Variants in LIN28B observed in about 807,000 individuals in gnomAD.
LIN28B encodes lin-28 RNA binding posttranscriptional regulator B.
Under a neutral mutation model 21.9 loss-of-function variants are expected in LIN28B, and 5 were observed. The ratio of observed to expected loss-of-function variants is 0.23; its 90% confidence interval spans 0.12 to 0.48. LIN28B has a LOEUF of 0.48. LIN28B is among the 20% of genes least tolerant of loss of function. LIN28B has a pLI of 0.98. For synonymous variants in LIN28B, 109 were observed against 111.3 expected (o/e 0.98, Z 0.13); for missense variants, 245 against 310.5 (o/e 0.79, Z 1.58).
intron 2 of LIN28B, among the ~76,000 whole-genome samples, chr6:105,000,256 A>T (rs955348710): frequency 1.2e-4 from 18 of 152,242 alleles, no homozygotes; most frequent in African/African-American, 4.3e-4. Context: ...AAAAACAGTT[A>T]TATCTCCATC....
chr6:105,023,298 T>TATATATAATTATATTATATA (rs1771179727), intron 2 of LIN28B, among the ~76,000 whole-genome samples: 1 of 13,030 alleles, frequency 7.7e-5, no homozygotes, highest in Non-Finnish European at 1.4e-4. Flanking sequence ...AATATATATA[T>TATATATAATTATATTATATA]TTATATATAA....
At chr6:105,024,608 A>G (rs932869704) in intron 2 of LIN28B, among the ~76,000 whole-genome samples, 1 of 152,208 alleles carries the variant, frequency 6.6e-6, no homozygotes, top group African/African-American at 2.4e-5. Context: ...ACATTTCATC[A>G]GAGAGCAGAA....
At chr6:104,973,519 C>T (rs1225793083) in intron 2 of LIN28B, among the ~76,000 whole-genome samples, 1 of 152,154 alleles carries the variant, frequency 6.6e-6, no homozygotes, top group Non-Finnish European at 1.5e-5. Context: ...TCCTTCTCCT[C>T]TCTTTTTTCC....
intron 2 of LIN28B, among the ~76,000 whole-genome samples, chr6:104,982,944 G>A (rs1207127273): frequency 1.3e-5 from 2 of 152,146 alleles, no homozygotes; most frequent in South Asian, 2.1e-4. Context: ...GACTACAGGT[G>A]TACACTACCA....
At position 105,079,654 on chromosome 6, in the gene LIN28B, GAGGGTTGTA is replaced by G. The variant is rs1468780084; in HGVS notation, c.*876_*884del. 1.3e-5 allele frequency: 2 copies of G among 152,572 alleles called. No homozygotes were observed. The highest frequency in any genetic ancestry group is 6.5e-5 in the Admixed American group (1 of 15,276). 9.5% of individuals were successfully genotyped at this position (152,572 alleles called of 1,614,324 possible). ...CTTCTTGTAACCTTTTCCATGTTGT[GAGGGTTGTA>G]AGGGATTGTGTGGCAACAGCAGCTT... On this transcript the variant is annotated 3_prime_UTR_variant, in exon 4 of 4. Transcript: ENST00000345080.
chr6:105,030,014 G>A (rs1313371713), intron 3 of LIN28B, among the ~76,000 whole-genome samples: 1 of 152,164 alleles, frequency 6.6e-6, no homozygotes, highest in Non-Finnish European at 1.5e-5. Flanking sequence ...GTGAATAACT[G>A]TTCCAACTCC....
intron 3 of LIN28B, among the ~76,000 whole-genome samples, chr6:105,043,162 C>A (rs1224537518): frequency 2.0e-5 from 3 of 151,934 alleles, no homozygotes; most frequent in Non-Finnish European, 4.4e-5. Flanking sequence ...CGTTATGGCT[C>A]ATGCCTATAA....
chr6:105,045,854 T>C (rs111565398), intron 3 of LIN28B, among the ~76,000 whole-genome samples: 3,643 of 152,240 alleles, frequency 0.024, 146 homozygotes, highest in African/African-American at 0.083. Context: ...CTGTGAACTT[T>C]ACCATGACTC....
intron 3 of LIN28B, among the ~76,000 whole-genome samples, chr6:105,027,945 C>T (rs1269041561): frequency 6.6e-6 from 1 of 152,070 alleles, no homozygotes; most frequent in African/African-American, 2.4e-5. Flanking sequence ...TTTTCATTGA[C>T]ATTTTTAGGA....
intron 2 of LIN28B, among the ~76,000 whole-genome samples, chr6:104,946,688 C>A (rs1026407622): frequency 6.6e-6 from 1 of 151,966 alleles, no homozygotes; most frequent in African/African-American, 2.4e-5. Context: ...TATTTTAAAA[C>A]GTTTTCTCTT....
intron 2 of LIN28B, among the ~76,000 whole-genome samples, chr6:104,992,410 G>A (rs1396474930): frequency 6.6e-6 from 1 of 151,320 alleles, no homozygotes; most frequent in Non-Finnish European, 1.5e-5. Flanking sequence ...CTGCAACCTT[G>A]CTATTTGTTT....
rs1303981583 is a variant in LIN28B, at chr6:105,005,674, CTG to C, written c.199-20622_199-20621del. 2.0e-5 allele frequency among the ~76,000 whole-genome samples: 3 copies of C among 152,152 alleles called. No homozygotes were observed. The East Asian group carries it at 5.8e-4, about 29-fold the overall frequency. ...GCTTCCCCTTTGCCATCTGCCATGA[CTG>C]TAAGTTTCTTAAGGCCTCCCACTCA... On this transcript the variant is annotated intron_variant, in intron 2 of 3. Coordinates refer to ENST00000345080, the MANE Select transcript of LIN28B (RefSeq NM_001004317.4).
At chr6:105,004,407 C>T (rs1191912419) in intron 2 of LIN28B, among the ~76,000 whole-genome samples, 2 of 152,124 alleles carry the variant, frequency 1.3e-5, no homozygotes, top group African/African-American at 4.8e-5. Context: ...TTTGTACAGA[C>T]AACCACATTT....
At chr6:105,021,209 T>C (rs931981483) in intron 2 of LIN28B, among the ~76,000 whole-genome samples, 8 of 152,176 alleles carry the variant, frequency 5.3e-5, no homozygotes, top group Non-Finnish European at 1.2e-4. Context: ...GATTTTGTTC[T>C]TTTTCACGGT....
intron 3 of LIN28B, among the ~76,000 whole-genome samples, chr6:105,078,089 T>C (rs1166474265): frequency 6.6e-6 from 1 of 152,210 alleles, no homozygotes; most frequent in Non-Finnish European, 1.5e-5. Context: ...TTAATGGTTC[T>C]TTTAAAATGA....
chr6:105,012,506 C>T (rs1770945877), intron 2 of LIN28B, among the ~76,000 whole-genome samples: 2 of 151,942 alleles, frequency 1.3e-5, no homozygotes, highest in Non-Finnish European at 2.9e-5. Context: ...AAACAAAAAC[C>T]CTATCGTTTG....
intron 3 of LIN28B, chr6:105,045,682 A>G (rs779099432): frequency 6.6e-6 from 1 of 152,208 alleles, no homozygotes; most frequent in African/African-American, 2.4e-5. Flanking sequence ...CTCACTTCAT[A>G]TTAAAAGAGT....
intron 3 of LIN28B, among the ~76,000 whole-genome samples, chr6:105,040,061 T>C (rs1244854367): frequency 2.0e-5 from 3 of 152,294 alleles, no homozygotes; most frequent in Non-Finnish European, 4.4e-5. Context: ...TTTCTCCTCG[T>C]TTACTCAGAG....
chr6:105,023,637 A>T lies in LIN28B; in HGVS notation c.199-2661A>T, dbSNP rs1483683944. On this transcript the variant is annotated intron_variant, in intron 2 of 3. Transcript: ENST00000345080. ...AATATATATTATATATTTTATATAT[A>T]TAAAATATATAATATATATATATTT... Among the ~76,000 whole-genome samples the T allele has an allele frequency of 1.8e-3, 156 of 86,124 alleles. 10 individuals are homozygous for T. Among genetic ancestry groups the T allele is most frequent in the African/African-American group, 7.0e-3 (149 of 21,416 alleles). The allele number at this position is 86,124 out of a possible 152,430, so 56.5% of individuals were successfully genotyped here.
Sources: gnomAD v4.1 joint callset for allele counts (sites outside exome capture counted in the v4.1 genomes callset) on GRCh38, gnomAD v4.1.1 for gene constraint, MANE v1.5 for transcripts, NCBI Gene and HGNC (gene_info 2026-07-23, HGNC 2026-07-21) for gene names.